TRUB1: variants seen among roughly 807,000 people sequenced by gnomAD.
The protein encoded by TRUB1 is TruB pseudouridine synthase family member 1, also known as pseudouridylate synthase TRUB1.
TRUB1 carries 23 observed loss-of-function variants against 33.9 expected under a neutral mutation model. The ratio of observed to expected loss-of-function variants is 0.68; its 90% CI spans 0.49 to 0.96. The LOEUF is 0.96. TRUB1 is among the 40% of genes least tolerant of loss of function. TRUB1 has a pLI of 0.00. For missense variants in TRUB1, 378 were observed against 422.2 expected, an observed-to-expected ratio of 0.90 and a Z score of 0.92; for synonymous variants, 163 against 165.4, an observed-to-expected ratio of 0.99 and a Z score of 0.11.
At chr10:114,959,995 T>G (rs1178547608) in intron 4 of TRUB1, 188 bp downstream of exon 4, 4 of 535,846 alleles carry the variant, frequency 7.5e-6, no homozygotes, top group Non-Finnish European at 1.3e-5. Context: ...GAATAAAGAT[T>G]TATTGTGATT....
intron 1 of TRUB1, among the ~76,000 whole-genome samples, chr10:114,942,060 A>C (rs2084189968): frequency 6.6e-6 from 1 of 152,204 alleles, no homozygotes. Flanking sequence ...CTGGGATTAC[A>C]GGTGTGAGCC....
chr10:114,956,399 G>A (rs1763162912), intron 3 of TRUB1, among the ~76,000 whole-genome samples: 1 of 152,144 alleles, frequency 6.6e-6, no homozygotes, highest in Non-Finnish European at 1.5e-5. Flanking sequence ...TAAAATGTTA[G>A]GGTTGAATGT....
chr10:114,971,400 C>A (rs1352079913), intron 5 of TRUB1, among the ~76,000 whole-genome samples: 1 of 150,796 alleles, frequency 6.6e-6, no homozygotes, highest in Non-Finnish European at 1.5e-5. Flanking sequence ...AAGTTTCTGA[C>A]TTTTTTTTTA....
In TRUB1 at chr10:114,942,565, C is replaced by G; in HGVS notation, c.287-80C>G. Reference sequence around the variant, plus strand: ...TTTTGTTTGTTTTGAAAATGCCATCCCCTTTTCCTCCCAAGTTTATGAAGA... The same window carrying G: ...TTTTGTTTGTTTTGAAAATGCCATCGCCTTTTCCTCCCAAGTTTATGAAGA... On this transcript the variant is annotated intron_variant, in intron 1 of 7. Transcript: ENST00000298746. 6.7e-6 allele frequency: 6 copies of G among 900,852 alleles called. 1 individual carries two copies. In the South Asian group the frequency reaches 8.8e-5, roughly 13 times the overall value. The allele number at this position is 900,852 out of a possible 1,614,324, so 55.8% of individuals were successfully genotyped here.
At chr10:114,959,936 A>G in intron 4 of TRUB1, 129 bp downstream of exon 4, 1 of 619,032 alleles carries the variant, frequency 1.6e-6, no homozygotes, top group Non-Finnish European at 2.8e-6. Context: ...TTGGGCTAAG[A>G]AGATTGGAAA....
At position 114,965,744 on chromosome 10, in the gene TRUB1, T is replaced by C. The variant is rs1242123851; in HGVS notation, c.524-4624T>C. ...GGTTGGATTTTTTTCTACTAGCTAT[T>C]GGATATACTATTTTTTATTGCTTAT... On this transcript the variant is annotated intron_variant, in intron 4 of 7. Transcript: ENST00000298746. Among the ~76,000 whole-genome samples the C allele has an allele frequency of 2.4e-4, 37 of 152,192 alleles. 1 individual carries two copies. The highest frequency in any genetic ancestry group is 2.2e-3 in the Admixed American group (34 of 15,284).
intron 4 of TRUB1, among the ~76,000 whole-genome samples, chr10:114,961,847 T>TA (rs1203574795): frequency 3.9e-5 from 6 of 152,170 alleles, no homozygotes; most frequent in Non-Finnish European, 5.9e-5. Flanking sequence ...TTAAGGAACT[T>TA]ACTGTCTAAT....
At chr10:114,947,674 G>A (rs1464871639) in intron 2 of TRUB1, among the ~76,000 whole-genome samples, 1 of 151,960 alleles carries the variant, frequency 6.6e-6, no homozygotes, top group Non-Finnish European at 1.5e-5. Context: ...CATAAACATT[G>A]TTCATGTTGA....
At chr10:114,955,003 A>G (rs1358910485) in intron 3 of TRUB1, among the ~76,000 whole-genome samples, 2 of 152,156 alleles carry the variant, frequency 1.3e-5, no homozygotes, top group African/African-American at 4.8e-5. Flanking sequence ...TTTAAGGGAG[A>G]GACAGACTTT....
intron 4 of TRUB1, among the ~76,000 whole-genome samples, chr10:114,961,736 CTG>C (rs1270651126): frequency 6.6e-6 from 1 of 152,124 alleles, no homozygotes; most frequent in East Asian, 1.9e-4. Context: ...CATGATTTTT[CTG>C]TGTGCTTTCA....
At chr10:114,942,358 T>A (rs2084191816) in intron 1 of TRUB1, among the ~76,000 whole-genome samples, 1 of 152,226 alleles carries the variant, frequency 6.6e-6, no homozygotes, top group Admixed American at 6.5e-5. Flanking sequence ...TTTTGCGGGT[T>A]AGCTTGGATA....
Position 114,938,460 on chromosome 10 carries a change from C to T in TRUB1, c.207C>T (p.Ser69=). 6.3e-7 allele frequency: 1 copy of T among 1,594,118 alleles called. No homozygotes were observed. Among genetic ancestry groups the T allele is most frequent in the Non-Finnish European group, 8.5e-7 (1 of 1,170,964 alleles). Residue 69 remains serine, a synonymous_variant, in exon 1 of 8, where the codon AGC becomes AGT. Coordinates refer to ENST00000298746, the MANE Select transcript of TRUB1 (RefSeq NM_139169.5). ...TGGCTACCAAGCTGCTGTCCTTGAG[C>T]GGCGTGTTCGCCGTGCACAAGCCCA... ...AALATKLLSL[S]GVFAVHKPKG...
At chr10:114,939,895 A>C (rs140350679) in intron 1 of TRUB1, among the ~76,000 whole-genome samples, 2 of 146,494 alleles carry the variant, frequency 1.4e-5, no homozygotes, top group East Asian at 3.9e-4. Flanking sequence ...ACAAAGCCAT[A>C]TTCTGGCCTT....
rs780701018 is a variant in TRUB1 at position 114,972,190 on chromosome 10, G to T, written c.652G>T (p.Glu218Ter). Residue 218 changes from glutamate to a stop codon, truncating the protein, a stop_gained, in exon 6 of 8, where the codon GAA (glutamate) becomes TAA (stop). Coordinates refer to ENST00000298746, the MANE Select transcript of TRUB1 (RefSeq NM_139169.5). LOFTEE classifies it high-confidence loss of function. ...ACTTTCGACTTTGATGAAGAGAGGT[G>T]AAGTCGTAGAAGCAAAACCTGCCAG... ...QRLSTLMKRG[E>*]VVEAKPARPV... is the part of the protein sequence containing the mutation. 7.4e-6 allele frequency: 12 copies of T among 1,613,588 alleles called. No homozygotes were observed. Among genetic ancestry groups the T allele is most frequent in the African/African-American group, 2.7e-5 (2 of 74,900 alleles).
At chr10:114,971,481 C>G (rs112550850) in intron 5 of TRUB1, among the ~76,000 whole-genome samples, 2,245 of 151,718 alleles carry the variant, frequency 0.015, 67 homozygotes, top group African/African-American at 0.052. Flanking sequence ...TCTGAGGAGA[C>G]GCTTTTTAAT....
At chr10:114,938,816 C>G (rs1016038399) in intron 1 of TRUB1, among the ~76,000 whole-genome samples, 3 of 152,182 alleles carry the variant, frequency 2.0e-5, no homozygotes, top group African/African-American at 7.2e-5. Flanking sequence ...GACCTGTTTT[C>G]TGTAATCTGA....
In TRUB1 at chr10:114,938,582, G is replaced by C. The variant is rs760354699; in HGVS notation, c.286+43G>C. 19 of 1,492,200 alleles carry C rather than the reference G, an allele frequency of 1.3e-5. No individual in the cohort carries two copies. The South Asian group carries it at 2.5e-4, about 20-fold the overall frequency. 92.4% of individuals were successfully genotyped at this position (1,492,200 alleles called of 1,614,324 possible). ...GGGACCAGGCTGAGGCGGTCGCTGC[G>C]AGAGGGGAAGCACATTAGGCTTTTT... On this transcript the variant is annotated intron_variant, in intron 1 of 7. Transcript: ENST00000298746.
At chr10:114,961,018 T>C (rs370095476) in intron 4 of TRUB1, among the ~76,000 whole-genome samples, 1 of 152,048 alleles carries the variant, frequency 6.6e-6, no homozygotes, top group African/African-American at 2.4e-5. Flanking sequence ...TGGTGAAAAA[T>C]ATAAGGCGCA....
intron 4 of TRUB1, among the ~76,000 whole-genome samples, chr10:114,964,334 T>G (rs1174408368): frequency 6.6e-6 from 1 of 152,142 alleles, no homozygotes; most frequent in Non-Finnish European, 1.5e-5. Flanking sequence ...TCTTTCCCTT[T>G]TGAGTTGCCT....
Sources: gnomAD v4.1 joint callset for allele counts (sites outside exome capture counted in the v4.1 genomes callset) on GRCh38, gnomAD v4.1.1 for gene constraint, MANE v1.5 for transcripts, NCBI Gene and HGNC (gene_info 2026-07-23, HGNC 2026-07-21) for gene names.